Variants in ERO1B observed in about 807,000 individuals in gnomAD.
ERO1B encodes ERO1-like protein beta.
A neutral mutation model predicts 75.3 loss-of-function variants in ERO1B; 49 were observed. That is an observed-to-expected ratio of 0.65 (90% CI 0.52 to 0.83). The LOEUF (loss-of-function observed/expected upper bound fraction) is 0.83. ERO1B is among the 40% of genes least tolerant of loss of function. The probability of loss-of-function intolerance (pLI) is 0.00; values close to 1 mark genes in which losing one functional copy is unlikely to be tolerated. For synonymous variants in ERO1B, 191 were observed against 192.9 expected (o/e 0.99, Z 0.08); for missense variants, 512 against 560.1 (o/e 0.91, Z 0.87).
At chr1:236,240,515 T>C (rs1664674007) in intron 6 of ERO1B, among the ~76,000 whole-genome samples, 1 of 152,204 alleles carries the variant, frequency 6.6e-6, no homozygotes, top group African/African-American at 2.4e-5. Flanking sequence ...CTACAGTTTA[T>C]AAAGCTCTCA....
At chr1:236,257,168 G>A (rs1665177310) in intron 2 of ERO1B, among the ~76,000 whole-genome samples, 1 of 152,184 alleles carries the variant, frequency 6.6e-6, no homozygotes, top group African/African-American at 2.4e-5. Context: ...AACAGAGACA[G>A]CAGGCTGGAC....
chr1:236,280,263 T>C (rs1040964945), intron 1 of ERO1B, among the ~76,000 whole-genome samples: 5 of 152,246 alleles, frequency 3.3e-5, no homozygotes, highest in Admixed American at 6.5e-5. Context: ...ATGGGAACTC[T>C]CATTTCAGAA....
chr1:236,279,177 G>A (rs1015343893), intron 1 of ERO1B, among the ~76,000 whole-genome samples: 1 of 152,162 alleles, frequency 6.6e-6, no homozygotes, highest in African/African-American at 2.4e-5. Flanking sequence ...GAGATTGTAC[G>A]TGTAACCATG....
In ERO1B at chr1:236,235,687, TAAAC is replaced by T. The variant is rs911908881; in HGVS notation, c.673+98_673+101del. On this transcript the variant is annotated intron_variant, in intron 8 of 15. Coordinates refer to ENST00000354619, the MANE Select transcript of ERO1B (RefSeq NM_019891.4). ...TACACTTTTTGTTCATCATTCAAATTAAACAAAATATAAAAATGAAAGTTTTTTC... is the reference window on the plus strand; with the variant it reads ...TACACTTTTTGTTCATCATTCAAATTAAAATATAAAAATGAAAGTTTTTTC... 119 of 1,042,042 alleles carry T rather than the reference TAAAC, an allele frequency of 1.1e-4. No homozygotes were observed. The Middle Eastern group carries it at 1.8e-3, about 16-fold the overall frequency. 64.5% of individuals were successfully genotyped at this position (1,042,042 alleles called of 1,614,324 possible).
rs1184008239 is a variant in ERO1B, at chr1:236,269,990, G to A, written c.107C>T (p.Thr36Ile). Reference sequence around the variant, plus strand: ...ACACAAGCAATCATCCAGAACTCCAGTGACCTAGAATTTATATAATTTAAA... The same window carrying A: ...ACACAAGCAATCATCCAGAACTCCAATGACCTAGAATTTATATAATTTAAA... ...FLRSVVEAQV[T>I]GVLDDCLCDI... is the part of the protein sequence containing the mutation. The change falls in exon 2 of 16, where the codon ACT (threonine) becomes ATT (isoleucine). Residue 36 changes from threonine (T) to isoleucine (I), a missense_variant. Thr to Ile is a moderately conservative substitution (Grantham distance 89). Coordinates refer to ENST00000354619, the MANE Select transcript of ERO1B (RefSeq NM_019891.4). 3 of 1,588,134 alleles carry A rather than the reference G, an allele frequency of 1.9e-6. No homozygotes were observed. In the African/African-American group the frequency reaches 4.0e-5, roughly 21 times the overall value.
rs1418835039 is a variant in ERO1B at position 236,215,682 on chromosome 1, T to G, written c.*2834A>C. 1 of 152,076 alleles carries G rather than the reference T, an allele frequency of 6.6e-6. No homozygotes were observed. The highest frequency in any genetic ancestry group is 6.6e-5 in the Admixed American group (1 of 15,254). 9.4% of individuals were successfully genotyped at this position (152,076 alleles called of 1,614,324 possible). Reference sequence around the variant, plus strand: ...TCCTTAAAATACAGTACACATAGATTTGTGTGTGTGTTTTTTTACCAAATA... The same window carrying G: ...TCCTTAAAATACAGTACACATAGATGTGTGTGTGTGTTTTTTTACCAAATA... On this transcript the variant is annotated 3_prime_UTR_variant, in exon 16 of 16. Transcript: ENST00000354619.
intron 5 of ERO1B, among the ~76,000 whole-genome samples, chr1:236,246,789 G>A (rs1180219567): frequency 1.3e-5 from 2 of 152,116 alleles, no homozygotes; most frequent in Non-Finnish European, 2.9e-5. Flanking sequence ...ATAATGCTCT[G>A]GATGGTGGCT....
chr1:236,261,875 C>T (rs1665300446), intron 2 of ERO1B, among the ~76,000 whole-genome samples: 2 of 152,112 alleles, frequency 1.3e-5, no homozygotes, highest in African/African-American at 4.8e-5. Flanking sequence ...ACAAGGTTTT[C>T]AAGGCTACAG....
Position 236,252,083 on chromosome 1 carries a change from A to C in ERO1B, c.315T>G (p.Ile105Met). The part of the protein sequence containing the change: ...CHVEPCPESK[I>M]PVGIKAGHSN... The stretch of plus-strand genomic sequence containing the variant: ...AATGCCCAGCTTTTATTCCAACCGG[A>C]ATTTTACTCTTAAAAAAACAAGAAA... Residue 105 changes from isoleucine to methionine, a missense_variant, in exon 4 of 16, where the codon ATT becomes ATG. Physicochemically the swap from Ile to Met is conservative, Grantham distance 10. Transcript: ENST00000354619. 1 of 1,600,144 alleles carries C rather than the reference A, an allele frequency of 6.2e-7. No homozygotes were observed. Among genetic ancestry groups the C allele is most frequent in the East Asian group, 2.2e-5 (1 of 44,496 alleles).
At chr1:236,277,422 A>G (rs1157055489) in intron 1 of ERO1B, among the ~76,000 whole-genome samples, 5 of 151,910 alleles carry the variant, frequency 3.3e-5, no homozygotes, top group African/African-American at 1.2e-4. Flanking sequence ...AAAAAAAAAA[A>G]GAATGGACTA....
At chr1:236,273,589 C>T (rs1168720981) in intron 1 of ERO1B, among the ~76,000 whole-genome samples, 1 of 151,888 alleles carries the variant, frequency 6.6e-6, no homozygotes, top group Non-Finnish European at 1.5e-5. Context: ...CTTTGGGAGG[C>T]GGACACAGGA....
intron 2 of ERO1B, among the ~76,000 whole-genome samples, chr1:236,266,342 G>A (rs61833557): frequency 0.11 from 17,133 of 152,192 alleles, 1,180 homozygotes; most frequent in Middle Eastern, 0.16. Flanking sequence ...GGTGGCTCAC[G>A]CCTGTAATCC....
Position 236,233,249 on chromosome 1 carries a change from C to T in ERO1B, c.674-410G>A, listed in dbSNP as rs150542925. ...ACTTGAACCCAGGAGGTGGAGGTTT[C>T]AGTGAGCCAAGATCGCGCCATTGCA... is the stretch of plus-strand genomic sequence containing the variant. On this transcript the variant is annotated intron_variant, in intron 8 of 15. Coordinates refer to ENST00000354619, the MANE Select transcript of ERO1B (RefSeq NM_019891.4). Among the ~76,000 whole-genome samples, 307 of 149,882 alleles carry T rather than the reference C, an allele frequency of 2.0e-3. 5 individuals are homozygous for T. In the East Asian group the frequency reaches 0.057, roughly 28 times the overall value.
intron 1 of ERO1B, among the ~76,000 whole-genome samples, chr1:236,275,390 C>T (rs534292600): frequency 3.3e-5 from 5 of 152,304 alleles, no homozygotes; most frequent in African/African-American, 1.2e-4. Context: ...ACTTTACTTA[C>T]AGTTATCAAT....
At position 236,255,102 on chromosome 1, in the gene ERO1B, C is replaced by CA. The variant is rs943830719; in HGVS notation, c.223-1598_223-1597insT. ...CACCTGGCTAATTTTTTTTTTCTTT[C>CA]TTTTTTTTTTTTAAGTAGAGACAAG... On this transcript the variant is annotated intron_variant, in intron 2 of 15. Transcript: ENST00000354619. Among the ~76,000 whole-genome samples, 66 of 84,652 alleles carry CA rather than the reference C, an allele frequency of 7.8e-4. No homozygotes were observed. In the Admixed American group the frequency reaches 8.2e-3, roughly 11 times the overall value. The allele number at this position is 84,652 out of a possible 152,430, so 55.5% of individuals were successfully genotyped here. A position where few individuals can be genotyped will look rare whatever the true frequency, so the allele number is the denominator to read the frequency against.
intron 2 of ERO1B, among the ~76,000 whole-genome samples, chr1:236,260,501 T>C (rs1211731437): frequency 1.3e-5 from 2 of 151,834 alleles, no homozygotes; most frequent in African/African-American, 2.4e-5. Context: ...CCTGTCTCTA[T>C]TAAAAATACA....
chr1:236,234,468 C>G (rs1296432053), intron 8 of ERO1B, among the ~76,000 whole-genome samples: 4 of 152,202 alleles, frequency 2.6e-5, no homozygotes, highest in African/African-American at 4.8e-5. Flanking sequence ...CTTTATATAA[C>G]TACTATATTG....
chr1:236,240,807 A>T (rs1348890164), intron 6 of ERO1B, among the ~76,000 whole-genome samples: 1 of 152,162 alleles, frequency 6.6e-6, no homozygotes. Flanking sequence ...TACACTCAAT[A>T]ATATGCCATA....
intron 5 of ERO1B, among the ~76,000 whole-genome samples, chr1:236,245,292 G>A (rs1209027553): frequency 1.3e-5 from 1 of 79,850 alleles, no homozygotes; most frequent in African/African-American, 4.9e-5. Flanking sequence ...ACCATGCCCA[G>A]TCAAAATATA....
Sources: gnomAD v4.1 joint callset for allele counts (sites outside exome capture counted in the v4.1 genomes callset) on GRCh38, gnomAD v4.1.1 for gene constraint, MANE v1.5 for transcripts, NCBI Gene and HGNC (gene_info 2026-07-23, HGNC 2026-07-21) for gene names.